Variants in GALNT16 observed in about 807,000 individuals in gnomAD.
The protein encoded by GALNT16 is polypeptide N-acetylgalactosaminyltransferase 16, also known as UDP-GalNAc:polypeptide N-acetylgalactosaminyltransferase-like protein 1.
Under a neutral mutation model 76.1 loss-of-function variants are expected in GALNT16, and 40 were observed. That is an observed-to-expected ratio of 0.53 (90% CI 0.41 to 0.68). The LOEUF (loss-of-function observed/expected upper bound fraction) is 0.68. GALNT16 is among the 30% of genes least tolerant of loss of function. The probability of loss-of-function intolerance (pLI) is 0.00; values close to 1 mark genes in which losing one functional copy is unlikely to be tolerated. For synonymous variants in GALNT16, 276 were observed against 285.2 expected (o/e 0.97, Z 0.32); for missense variants, 621 against 731.9 (o/e 0.85, Z 1.75).
intron 1 of GALNT16, among the ~76,000 whole-genome samples, chr14:69,285,165 C>G (rs868626429): frequency 1.4e-5 from 2 of 144,836 alleles, no homozygotes; most frequent in Admixed American, 1.3e-4. Context: ...CTCAGCCTCT[C>G]GAGTAGCTGG....
intron 2 of GALNT16, among the ~76,000 whole-genome samples, chr14:69,321,224 A>T (rs1229139497): frequency 6.6e-6 from 1 of 152,224 alleles, no homozygotes; most frequent in African/African-American, 2.4e-5. Flanking sequence ...ACAGCCCTGC[A>T]CATTGCAAAC....
At chr14:69,335,820 G>T (rs973148209) in intron 9 of GALNT16, among the ~76,000 whole-genome samples, 1 of 152,116 alleles carries the variant, frequency 6.6e-6, no homozygotes, top group Non-Finnish European at 1.5e-5. Context: ...AAACCAAGAC[G>T]TGTTCTTTTG....
intron 1 of GALNT16, among the ~76,000 whole-genome samples, chr14:69,264,815 C>G (rs371710483): frequency 4.4e-5 from 2 of 44,960 alleles, no homozygotes; most frequent in Admixed American, 5.5e-4. Flanking sequence ...TTTTCTTTTT[C>G]TTTCTTTTTT....
At chr14:69,304,267 C>T (rs553776882) in intron 1 of GALNT16, among the ~76,000 whole-genome samples, 1 of 152,194 alleles carries the variant, frequency 6.6e-6, no homozygotes, top group East Asian at 1.9e-4. Context: ...TGGTAAAGGC[C>T]AACAGTAAAT....
the GALNT16 span, among the ~76,000 whole-genome samples, chr14:69,386,232 G>A: frequency 1.3e-5 from 2 of 152,248 alleles, no homozygotes; most frequent in African/African-American, 4.8e-5. Context: ...ATTGGCTCCA[G>A]TGGTGATCCA....
intron 1 of GALNT16, among the ~76,000 whole-genome samples, chr14:69,292,065 G>T (rs2044693808): frequency 6.6e-6 from 1 of 152,160 alleles, no homozygotes; most frequent in African/African-American, 2.4e-5. Context: ...CCTGTGGATG[G>T]CTCTGTCTTA....
In GALNT16 at chr14:69,347,001, G is replaced by C. The variant is rs200433944; in HGVS notation, c.1272-39G>C. On this transcript the variant is annotated intron_variant, in intron 12 of 14. Transcript: ENST00000448469. ...GGCAGAGGGTGTAGGTAAGCCTTGG[G>C]GGGGAAAGCACAAGCCTGACTGCTG... 100 of 1,613,540 alleles carry C rather than the reference G, an allele frequency of 6.2e-5. No individual in the cohort carries two copies. In the East Asian group the frequency reaches 9.8e-4, roughly 16 times the overall value.
chr14:69,370,571 A>G, the GALNT16 span, among the ~76,000 whole-genome samples: 1 of 152,270 alleles, frequency 6.6e-6, no homozygotes, highest in South Asian at 2.1e-4. Flanking sequence ...TTCATTATGG[A>G]AAGTTTCAAG....
downstream of GALNT16, among the ~76,000 whole-genome samples, chr14:69,360,932 A>G (rs1426824230): frequency 1.3e-5 from 2 of 152,220 alleles, no homozygotes; most frequent in Non-Finnish European, 2.9e-5. Flanking sequence ...TGCCCCTGCT[A>G]AGCAAGCTGC....
At chr14:69,356,552 C>CTTTTTTTTTTTTTTTTTTTTTTTTTTTT (rs771252426), downstream of GALNT16, 1 of 81,078 alleles carries the variant, frequency 1.2e-5, no homozygotes, top group Non-Finnish European at 2.3e-5. Flanking sequence ...CAGCTGTGAG[C>CTTTTTTTTTTTTTTTTTTTTTTTTTTTT]TCTTTTTTTT....
intron 1 of GALNT16, among the ~76,000 whole-genome samples, chr14:69,299,270 G>T (rs1027398327): frequency 6.6e-6 from 1 of 152,170 alleles, no homozygotes; most frequent in Admixed American, 6.5e-5. Flanking sequence ...TGTCCCTACT[G>T]TTCCTCCAGA....
At chr14:69,377,347 A>T in the GALNT16 span, among the ~76,000 whole-genome samples, 307 of 152,272 alleles carry the variant, frequency 2.0e-3, 1 homozygote, top group African/African-American at 7.1e-3. Flanking sequence ...TAGGCAATCT[A>T]AATTTTTATT....
chr14:69,325,909 A>G (rs2045276856), intron 4 of GALNT16, 53 bp from the exon 5 acceptor site: 1 of 1,408,720 alleles, frequency 7.1e-7, no homozygotes, highest in Non-Finnish European at 1.0e-6. Flanking sequence ...CCAAACCACT[A>G]GTGGCCTGAT....
At chr14:69,285,967 A>C (rs1333343651) in intron 1 of GALNT16, among the ~76,000 whole-genome samples, 1 of 152,136 alleles carries the variant, frequency 6.6e-6, no homozygotes, top group Non-Finnish European at 1.5e-5. Context: ...CCCCAGTGCA[A>C]CCAGTTTCCC....
At chr14:69,276,347 GTT>G (rs1470482921) in intron 1 of GALNT16, among the ~76,000 whole-genome samples, 2 of 152,222 alleles carry the variant, frequency 1.3e-5, no homozygotes, top group African/African-American at 4.8e-5. Flanking sequence ...TGTTTCTGTT[GTT>G]TTTGTGGTTT....
At chr14:69,370,778 A>G in the GALNT16 span, among the ~76,000 whole-genome samples, 3 of 152,228 alleles carry the variant, frequency 2.0e-5, no homozygotes, top group Admixed American at 6.5e-5. Context: ...AAAAATCACA[A>G]TAATTCCTTA....
intron 1 of GALNT16, among the ~76,000 whole-genome samples, chr14:69,279,152 G>A (rs531248833): frequency 8.5e-4 from 129 of 152,110 alleles, no homozygotes; most frequent in Middle Eastern, 3.4e-3. Flanking sequence ...GGCTGGTCTC[G>A]AAATCCTGAC....
chr14:69,260,897 T>C (rs1242328993), intron 1 of GALNT16, among the ~76,000 whole-genome samples: 3 of 151,288 alleles, frequency 2.0e-5, no homozygotes, highest in Non-Finnish European at 4.4e-5. Context: ...GCAGCCCCTC[T>C]CCAGCCTTCT....
At chr14:69,263,123 A>G (rs1244610322) in intron 1 of GALNT16, among the ~76,000 whole-genome samples, 1 of 152,136 alleles carries the variant, frequency 6.6e-6, no homozygotes. Flanking sequence ...CATGTGATCC[A>G]TTCACCTCAG....
Sources: allele counts gnomAD v4.1 joint callset (sites outside exome capture counted in the v4.1 genomes callset), GRCh38; gene constraint gnomAD v4.1.1; transcripts MANE v1.5; gene names NCBI Gene and HGNC (gene_info 2026-07-23, HGNC 2026-07-21).